LRRC74A: variants seen among roughly 807,000 people sequenced by gnomAD.
LRRC74A encodes leucine rich repeat containing 74A, also known as leucine-rich repeat-containing protein 74A.
In LRRC74A, 44 loss-of-function variants were observed where a neutral mutation model predicts 57.9. The observed-to-expected ratio is 0.76, with a 90% CI of 0.60 to 0.98. The LOEUF (loss-of-function observed/expected upper bound fraction) is 0.98. Among genes scored for constraint, LRRC74A ranks in the 50% least tolerant of loss-of-function variants. The pLI, the probability that LRRC74A is intolerant of heterozygous loss-of-function variation, is 0.00. For synonymous variants in LRRC74A, 211 were observed against 219.4 expected (o/e 0.96, Z 0.34); for missense variants, 572 against 574.0 (o/e 1.00, Z 0.04).
In LRRC74A at chr14:76,865,819, G is replaced by C. The variant is rs1163017176; in HGVS notation, c.1201-149G>C. ...GTCTTAGGGGACACCCAACACCCGG[G>C]AGACGCAGGCTCCTCACCTTGGCCT... On this transcript the variant is annotated intron_variant, in intron 11 of 13. Transcript: ENST00000689127. 3 of 619,672 alleles carry C rather than the reference G, an allele frequency of 4.8e-6. No individual in the cohort carries two copies. The African/African-American group carries it at 5.5e-5, about 11-fold the overall frequency. The allele number at this position is 619,672 out of a possible 1,614,324, so 38.4% of individuals were successfully genotyped here. A position where few individuals can be genotyped will look rare whatever the true frequency, so the allele number is the denominator to read the frequency against.
chr14:76,842,363 C>A (rs775315540), intron 5 of LRRC74A, among the ~76,000 whole-genome samples: 2 of 151,964 alleles, frequency 1.3e-5, no homozygotes, highest in Non-Finnish European at 2.9e-5. Context: ...TGGCTAAGAC[C>A]CCTAACATAA....
At chr14:76,852,563 G>T in intron 8 of LRRC74A, 113 bp downstream of exon 8, 1 of 662,258 alleles carries the variant, frequency 1.5e-6, no homozygotes, top group South Asian at 2.5e-5. Context: ...GGCATACTGG[G>T]CTCTCATCAA....
At chr14:76,837,270 A>G (rs1346999406) in intron 4 of LRRC74A, among the ~76,000 whole-genome samples, 1 of 152,220 alleles carries the variant, frequency 6.6e-6, no homozygotes, top group African/African-American at 2.4e-5. Context: ...TGGTTACACA[A>G]TGTGAATATG....
rs531452744 is a variant in LRRC74A at position 76,850,101 on chromosome 14, G to A, written c.677-2264G>A. On this transcript the variant is annotated intron_variant, in intron 7 of 13. Transcript: ENST00000689127. ...TGGGTGCCTGTAGCCCCAGCTACTC[G>A]GGAGGCTGAGGCAGGATAATGGCGT... 5.3e-5 allele frequency among the ~76,000 whole-genome samples: 8 copies of A among 152,128 alleles called. No individual in the cohort carries two copies. The South Asian group carries it at 1.0e-3, about 20-fold the overall frequency.
intron 2 of LRRC74A, among the ~76,000 whole-genome samples, chr14:76,829,858 G>A (rs1044039351): frequency 5.9e-5 from 9 of 152,152 alleles, no homozygotes; most frequent in Admixed American, 5.9e-4. Flanking sequence ...GCTGGGAGCA[G>A]TGCTGGCTGT....
intron 11 of LRRC74A, among the ~76,000 whole-genome samples, chr14:76,865,636 A>T (rs1898718553): frequency 6.6e-6 from 1 of 152,328 alleles, no homozygotes; most frequent in East Asian, 1.9e-4. Context: ...TCCTCGTGGC[A>T]CTGCGGTGCC....
Position 76,836,295 on chromosome 14 carries a change from A to C in LRRC74A, c.428A>C (p.Asn143Thr), listed in dbSNP as rs779853435. The change falls in exon 4 of 14, where the codon AAC becomes ACC. Residue 143 changes from asparagine to threonine, a missense_variant. Coordinates refer to ENST00000689127, the MANE Select transcript of LRRC74A (RefSeq NM_001385106.1). ...AGCCTGGTGGAGATGCTACAAGAGA[A>C]CTACTACCTCCAGGAGATGGTACTG... is the stretch of plus-strand genomic sequence containing the variant. ...VLSLVEMLQE[N>T]YYLQEMNISN... 7.4e-6 allele frequency: 12 copies of C among 1,611,874 alleles called. No homozygotes were observed. The East Asian group carries it at 2.7e-4, about 36-fold the overall frequency.
intron 2 of LRRC74A, chr14:76,829,110 A>T (rs1566713648): frequency 7.8e-7 from 1 of 1,289,412 alleles, no homozygotes; most frequent in East Asian, 5.5e-5. Context: ...GAAGGGAAGC[A>T]CCGAAAGAGA....
intron 5 of LRRC74A, among the ~76,000 whole-genome samples, chr14:76,842,404 A>G (rs1896833601): frequency 6.6e-6 from 1 of 152,246 alleles, no homozygotes; most frequent in Non-Finnish European, 1.5e-5. Context: ...AGTTCTTTGT[A>G]AAAATACAAA....
At chr14:76,849,157 T>C (rs1395718114) in intron 7 of LRRC74A, among the ~76,000 whole-genome samples, 3 of 152,092 alleles carry the variant, frequency 2.0e-5, no homozygotes, top group African/African-American at 7.2e-5. Flanking sequence ...GCTCTCTCTT[T>C]TGTTTTGTTT....
intron 5 of LRRC74A, among the ~76,000 whole-genome samples, chr14:76,841,774 A>G (rs908786393): frequency 1.3e-5 from 2 of 148,252 alleles, no homozygotes; most frequent in African/African-American, 5.0e-5. Context: ...GTGCAATGGC[A>G]TGATCTTGGC....
chr14:76,831,230 A>G lies in LRRC74A; in HGVS notation c.194A>G (p.Gln65Arg), dbSNP rs781263199. The G allele has an allele frequency of 1.4e-5, 22 of 1,613,912 alleles. No individual in the cohort carries two copies. The South Asian group carries it at 1.4e-4, about 10-fold the overall frequency. Residue 65 changes from glutamine (Q) to arginine (R), a missense_variant, in exon 3 of 14, where the codon CAA becomes CGA. Transcript: ENST00000689127. ...EDDEKFFTTG[Q>R]KELYLEACKL... ...GATGAGAAATTTTTCACCACTGGAC[A>G]AAAGGAGCTGTACCTGGAGGCCTGC...
intron 11 of LRRC74A, among the ~76,000 whole-genome samples, chr14:76,861,888 A>C (rs568771264): frequency 6.6e-6 from 1 of 152,356 alleles, no homozygotes; most frequent in East Asian, 1.9e-4. Flanking sequence ...TCCTGCCCCC[A>C]GTGGGTCTGC....
intron 13 of LRRC74A, among the ~76,000 whole-genome samples, 178 bp from the exon 14 acceptor site, chr14:76,869,947 C>T (rs187177393): frequency 2.0e-4 from 30 of 152,180 alleles, no homozygotes; most frequent in African/African-American, 5.1e-4. Flanking sequence ...TGTGTGCACA[C>T]GCACACACAT....
chr14:76,856,765 T>C (rs886625022), intron 9 of LRRC74A, among the ~76,000 whole-genome samples: 4 of 147,920 alleles, frequency 2.7e-5, no homozygotes, highest in Non-Finnish European at 3.0e-5. Context: ...GATGGATGGA[T>C]GGATGAGCAG....
intron 5 of LRRC74A, among the ~76,000 whole-genome samples, chr14:76,838,193 A>G (rs12587240): frequency 1.3e-5 from 2 of 151,990 alleles, no homozygotes; most frequent in African/African-American, 4.8e-5. Flanking sequence ...ACAATAATTT[A>G]TCATGTACTT....
In LRRC74A at chr14:76,831,298, A is replaced by C; in HGVS notation, c.262A>C (p.Met88Leu). The change falls in exon 3 of 14, where the codon ATG (methionine) becomes CTG (leucine). Residue 88 changes from methionine (M) to leucine (L), a missense_variant. Met to Leu is a conservative substitution (Grantham distance 15). Coordinates refer to ENST00000689127, the MANE Select transcript of LRRC74A (RefSeq NM_001385106.1). ...GCCTGTCTCCTACTTCATTCGGAAC[A>C]TGGAGGAGTCCTACGTGAACCTCAA... is the stretch of plus-strand genomic sequence containing the variant. ...VVPVSYFIRN[M>L]EESYVNLNHH... The C allele has an allele frequency of 6.2e-7, 1 of 1,614,040 alleles. No homozygotes were observed. The highest frequency in any genetic ancestry group is 8.5e-7 in the Non-Finnish European group (1 of 1,179,888).
At chr14:76,861,803 G>T (rs1313695507) in intron 11 of LRRC74A, among the ~76,000 whole-genome samples, 1 of 152,230 alleles carries the variant, frequency 6.6e-6, no homozygotes, top group Non-Finnish European at 1.5e-5. Flanking sequence ...CCGCAGAGCG[G>T]TTACTACCTG....
At position 76,836,122 on chromosome 14, in the gene LRRC74A, A is replaced by T. The variant is rs879365732; in HGVS notation, c.340-85A>T. On this transcript the variant is annotated intron_variant, in intron 3 of 13. Coordinates refer to ENST00000689127, the MANE Select transcript of LRRC74A (RefSeq NM_001385106.1). Reference sequence around the variant, plus strand: ...CTAGCCTGCATCTCCACGCCCATTCACATGGCTGGCCCAGGGCGAGCAGGG... The same window carrying T: ...CTAGCCTGCATCTCCACGCCCATTCTCATGGCTGGCCCAGGGCGAGCAGGG... The T allele has an allele frequency of 2.1e-5, 21 of 984,598 alleles. No individual in the cohort carries two copies. The Admixed American group carries it at 4.1e-4, about 19-fold the overall frequency. The allele number at this position is 984,598 out of a possible 1,614,324, so 61.0% of individuals were successfully genotyped here.
Sources: gnomAD v4.1 joint callset for allele counts (sites outside exome capture counted in the v4.1 genomes callset) on GRCh38, gnomAD v4.1.1 for gene constraint, MANE v1.5 for transcripts, NCBI Gene and HGNC (gene_info 2026-07-23, HGNC 2026-07-21) for gene names.